ADARB2: variants seen among roughly 807,000 people sequenced by gnomAD.
ADARB2 encodes inactive double-stranded RNA-specific editase B2.
In ADARB2, 25 loss-of-function variants were observed where a neutral mutation model predicts 62.2. The ratio of observed to expected loss-of-function variants is 0.40; its 90% CI spans 0.29 to 0.56. The LOEUF is 0.56. ADARB2 is among the 20% of genes least tolerant of loss of function. The probability of loss-of-function intolerance (pLI) is 0.43; values close to 1 mark genes in which losing one functional copy is unlikely to be tolerated. For missense variants in ADARB2, 1,071 were observed against 1,077.4 expected, an observed-to-expected ratio of 0.99 and a Z score of 0.08; for synonymous variants, 572 against 500.8, an observed-to-expected ratio of 1.14 and a Z score of -1.90.
intron 3 of ADARB2, among the ~76,000 whole-genome samples, chr10:1,333,881 C>A (rs1267297470): frequency 6.6e-6 from 1 of 152,188 alleles, no homozygotes; most frequent in Non-Finnish European, 1.5e-5. Context: ...ACAATTCCTG[C>A]TTCCTTTGCT....
At chr10:1,621,388 G>A (rs1833702466) in intron 1 of ADARB2, among the ~76,000 whole-genome samples, 1 of 151,416 alleles carries the variant, frequency 6.6e-6, no homozygotes, top group African/African-American at 2.4e-5. Context: ...AAATAACTAG[G>A]AATAGTTTCT....
chr10:1,246,088 G>A (rs1418924593), intron 4 of ADARB2, among the ~76,000 whole-genome samples: 1 of 151,882 alleles, frequency 6.6e-6, no homozygotes, highest in Non-Finnish European at 1.5e-5. Flanking sequence ...CTGATGGCCA[G>A]TGATGATGAG....
intron 1 of ADARB2, among the ~76,000 whole-genome samples, chr10:1,488,895 A>G (rs560444946): frequency 1.3e-5 from 2 of 152,168 alleles, no homozygotes; most frequent in Non-Finnish European, 2.9e-5. Context: ...CCAGGATGAG[A>G]TGGGAACACA....
chr10:1,403,229 C>T (rs1232321729), intron 1 of ADARB2, among the ~76,000 whole-genome samples: 1 of 152,226 alleles, frequency 6.6e-6, no homozygotes, highest in African/African-American at 2.4e-5. Context: ...AAGATTGTGC[C>T]TTCTAACACT....
intron 7 of ADARB2, among the ~76,000 whole-genome samples, chr10:1,210,304 G>C (rs1296521802): frequency 1.3e-5 from 2 of 152,200 alleles, no homozygotes; most frequent in Non-Finnish European, 2.9e-5. Context: ...CGAAGTCGGA[G>C]ATCAAAAGCC....
intron 1 of ADARB2, among the ~76,000 whole-genome samples, chr10:1,576,095 A>C (rs1833013805): frequency 1.2e-5 from 1 of 85,070 alleles, no homozygotes; most frequent in African/African-American, 4.6e-5. Flanking sequence ...GCTCAGGGCC[A>C]CGGGAGGGGG....
At chr10:1,736,973 C>G (rs543652914) in intron 1 of ADARB2, 78 bp downstream of exon 1, 9 of 1,454,740 alleles carry the variant, frequency 6.2e-6, no homozygotes, top group African/African-American at 4.2e-5. Context: ...CGGACAAGCC[C>G]GGAGACCCCA....
rs138534929 is a variant in ADARB2 at position 1,601,512 on chromosome 10, T to C, written c.100+135539A>G. ...CTACTTTAAAAAATAAACACCGATC[T>C]TAGCTATTGTGTCTTAGCCAGAGAG... On this transcript the variant is annotated intron_variant, in intron 1 of 9. Transcript: ENST00000381312. Among the ~76,000 whole-genome samples the C allele has an allele frequency of 4.7e-3, 718 of 152,370 alleles. 2 individuals are homozygous for C. The highest frequency in any genetic ancestry group is 0.016 in the African/African-American group (660 of 41,592).
intron 3 of ADARB2, among the ~76,000 whole-genome samples, chr10:1,357,055 G>A (rs1000154803): frequency 9.9e-5 from 15 of 152,212 alleles, no homozygotes; most frequent in African/African-American, 3.6e-4. Flanking sequence ...TTACACGTAA[G>A]TGAAATCAAC....
chr10:1,601,964 T>C (rs1777766686), intron 1 of ADARB2, among the ~76,000 whole-genome samples: 1 of 151,408 alleles, frequency 6.6e-6, no homozygotes, highest in South Asian at 2.1e-4. Context: ...CTTAGTAGAG[T>C]CAGCCATCAC....
At chr10:1,192,512 A>G (rs550944954) in intron 8 of ADARB2, among the ~76,000 whole-genome samples, 1 of 152,348 alleles carries the variant, frequency 6.6e-6, no homozygotes, top group South Asian at 2.1e-4. Context: ...GAATGTCTTT[A>G]TAATTGCCAG....
intron 1 of ADARB2, among the ~76,000 whole-genome samples, chr10:1,553,581 C>T (rs1832659596): frequency 6.6e-6 from 1 of 152,176 alleles, no homozygotes; most frequent in African/African-American, 2.4e-5. Flanking sequence ...CTAACGGACT[C>T]GAGGAGGCCG....
chr10:1,481,864 A>T (rs1831477389), intron 1 of ADARB2, among the ~76,000 whole-genome samples: 1 of 151,704 alleles, frequency 6.6e-6, no homozygotes, highest in South Asian at 2.1e-4. Flanking sequence ...CTCAAAAAAA[A>T]AAAAAAAGAG....
At chr10:1,482,694 A>T (rs1831489007) in intron 1 of ADARB2, among the ~76,000 whole-genome samples, 1 of 152,188 alleles carries the variant, frequency 6.6e-6, no homozygotes, top group Non-Finnish European at 1.5e-5. Flanking sequence ...AAAAAAGATG[A>T]AACACCCACA....
intron 1 of ADARB2, among the ~76,000 whole-genome samples, chr10:1,540,608 G>C (rs1588293799): frequency 1.3e-5 from 1 of 78,944 alleles, no homozygotes; most frequent in Non-Finnish European, 2.7e-5. Context: ...ACCCCACTCA[G>C]ACGCAGTTCG....
intron 1 of ADARB2, among the ~76,000 whole-genome samples, chr10:1,483,915 C>T (rs886221500): frequency 2.2e-4 from 34 of 152,332 alleles, no homozygotes; most frequent in African/African-American, 7.9e-4. Flanking sequence ...TTCCGCCATG[C>T]GCCAGGGGAT....
chr10:1,671,242 G>C (rs754267823), intron 1 of ADARB2, among the ~76,000 whole-genome samples: 5 of 152,118 alleles, frequency 3.3e-5, no homozygotes, highest in Non-Finnish European at 7.4e-5. Context: ...CCCGCCTTGG[G>C]CCCCCAGAGG....
intron 1 of ADARB2, among the ~76,000 whole-genome samples, chr10:1,529,497 C>T (rs1165521686): frequency 6.6e-6 from 1 of 152,176 alleles, no homozygotes; most frequent in African/African-American, 2.4e-5. Context: ...TGCACAGTAG[C>T]TATGGCCATC....
intron 1 of ADARB2, among the ~76,000 whole-genome samples, chr10:1,564,221 G>A (rs890001432): frequency 6.6e-6 from 1 of 152,152 alleles, no homozygotes; most frequent in Non-Finnish European, 1.5e-5. Flanking sequence ...CTTCCACAAT[G>A]GTTGAACTAG....
Sources: gnomAD v4.1 joint callset for allele counts (sites outside exome capture counted in the v4.1 genomes callset) on GRCh38, gnomAD v4.1.1 for gene constraint, MANE v1.5 for transcripts, NCBI Gene and HGNC (gene_info 2026-07-23, HGNC 2026-07-21) for gene names.